Variants in EHD1 observed in about 807,000 individuals in gnomAD.
EHD1 encodes the protein EH domain containing 1.
In EHD1, 19 loss-of-function variants were observed where a neutral mutation model predicts 39.0. The observed-to-expected ratio is 0.49, with a 90% CI of 0.34 to 0.72. EHD1 has a LOEUF of 0.72. Ranked by LOEUF, EHD1 falls within the 30% of genes least tolerant of loss-of-function variation. EHD1 has a pLI of 0.01. For synonymous variants in EHD1, 323 were observed against 331.2 expected, an observed-to-expected ratio of 0.98 and a Z score of 0.27; for missense variants, 542 against 751.5, an observed-to-expected ratio of 0.72 and a Z score of 3.26.
At chr11:64,861,637 G>A (rs1265325374) in intron 2 of EHD1, among the ~76,000 whole-genome samples, 1 of 152,000 alleles carries the variant, frequency 6.6e-6, no homozygotes, top group Non-Finnish European at 1.5e-5. Flanking sequence ...AAGTTTTATT[G>A]AAACACAGCC....
rs573924183 is a variant in EHD1 at position 64,870,659 on chromosome 11, G to A, written c.502+3762C>T. 3.9e-5 allele frequency among the ~76,000 whole-genome samples: 6 copies of A among 152,366 alleles called. No homozygotes were observed. In the South Asian group the frequency reaches 6.2e-4, roughly 16 times the overall value. On this transcript the variant is annotated intron_variant, in intron 2 of 4. Coordinates refer to ENST00000320631, the MANE Select transcript of EHD1 (RefSeq NM_006795.4). ...CTAGTGACCATGGTGGGGAACGAAC[G>A]AACTGGCCGGGCTGCCCACAGAGGC... is the stretch of plus-strand genomic sequence containing the variant.
chr11:64,871,915 C>T (rs1943834673), intron 2 of EHD1, among the ~76,000 whole-genome samples: 1 of 152,218 alleles, frequency 6.6e-6, no homozygotes, highest in African/African-American at 2.4e-5. Flanking sequence ...ACGTCCACCC[C>T]TTGCTCCCAA....
At chr11:64,878,755 C>A, upstream of EHD1, 5 of 1,067,072 alleles carry the variant, frequency 4.7e-6, no homozygotes, top group Non-Finnish European at 6.1e-6. Context: ...CCGACTGGTG[C>A]CACGTCTTCC....
chr11:64,878,963 G>T, upstream of EHD1: 1 of 1,004,518 alleles, frequency 1.0e-6, no homozygotes, highest in South Asian at 4.3e-5. Context: ...CCACACCCCC[G>T]CGGGATGGCT....
intron 2 of EHD1, among the ~76,000 whole-genome samples, chr11:64,861,840 T>G (rs1943720098): frequency 6.6e-6 from 1 of 152,180 alleles, no homozygotes; most frequent in Admixed American, 6.5e-5. Flanking sequence ...TCTTAAACAC[T>G]TCTCCAAAAC....
chr11:64,858,101 T>TG (rs1348271064), intron 3 of EHD1, among the ~76,000 whole-genome samples: 1 of 150,652 alleles, frequency 6.6e-6, no homozygotes, highest in African/African-American at 2.4e-5. Context: ...CTCTAACTCC[T>TG]GGCCTTAAGG....
chr11:64,864,419 G>A (rs1257514756), intron 2 of EHD1, among the ~76,000 whole-genome samples: 2 of 152,266 alleles, frequency 1.3e-5, no homozygotes, highest in Non-Finnish European at 2.9e-5. Context: ...GAGCTCCACA[G>A]GAGAGGATGC....
chr11:64,878,710 G>A (rs1943919707), upstream of EHD1: 4 of 1,349,562 alleles, frequency 3.0e-6, no homozygotes, highest in East Asian at 3.0e-5. Context: ...CGGAATTGGG[G>A]GCGGTAGGGA....
chr11:64,855,187 T>TG (rs1407376060), intron 4 of EHD1, 135 bp downstream of exon 4: 1 of 1,335,154 alleles, frequency 7.5e-7, no homozygotes, highest in Non-Finnish European at 9.9e-7. Flanking sequence ...GGTGGGGTGC[T>TG]GGTGATTAAC....
At position 64,854,136 on chromosome 11, in the gene EHD1, C is replaced by G; in HGVS notation, c.*197G>C. On this transcript the variant is annotated 3_prime_UTR_variant, in exon 5 of 5. Transcript: ENST00000320631. ...AAAATAGCCACAGTTCTTGTGCACA[C>G]AATTCCATCCTCTCACCCCTGCCTC... is the stretch of plus-strand genomic sequence containing the variant. The G allele has an allele frequency of 1.1e-6, 1 of 914,944 alleles. No individual in the cohort carries two copies. The highest frequency in any genetic ancestry group is 1.7e-5 in the African/African-American group (1 of 59,766). The allele number at this position is 914,944 out of a possible 1,614,324, so 56.7% of individuals were successfully genotyped here.
At chr11:64,876,509 C>T (rs917175133) in intron 1 of EHD1, among the ~76,000 whole-genome samples, 6 of 152,182 alleles carry the variant, frequency 3.9e-5, no homozygotes, top group Non-Finnish European at 8.8e-5. Context: ...GCACCGGTCT[C>T]GGACAAAGCA....
intron 2 of EHD1, among the ~76,000 whole-genome samples, chr11:64,865,811 C>T (rs972190358): frequency 2.0e-5 from 3 of 152,202 alleles, no homozygotes; most frequent in African/African-American, 4.8e-5. Flanking sequence ...AATGAGACAA[C>T]ATCTCATAAC....
chr11:64,866,275 T>A (rs1215079750), intron 2 of EHD1, among the ~76,000 whole-genome samples: 2 of 152,214 alleles, frequency 1.3e-5, no homozygotes, highest in Admixed American at 6.5e-5. Flanking sequence ...AAATACCGCA[T>A]GTTCCACACC....
chr11:64,871,087 G>T (rs1266450233), intron 2 of EHD1, among the ~76,000 whole-genome samples: 2 of 152,238 alleles, frequency 1.3e-5, no homozygotes, highest in Non-Finnish European at 2.9e-5. Context: ...AAAAAGTCAG[G>T]AGGGGCCAGG....
At chr11:64,877,310 A>C (rs2136504939) in intron 1 of EHD1, among the ~76,000 whole-genome samples, 1 of 152,248 alleles carries the variant, frequency 6.6e-6, no homozygotes, top group Admixed American at 6.5e-5. Flanking sequence ...GAGGCCACTT[A>C]ACTGGAAAAG....
In EHD1 at chr11:64,868,178, C is replaced by T. The variant is rs1040565163; in HGVS notation, c.502+6243G>A. ...GAAACATAGAGGGTTTGTCTCCAATCGACTTTTGTTTCCTGTCATTCAAGC... is the reference window on the plus strand; with the variant it reads ...GAAACATAGAGGGTTTGTCTCCAATTGACTTTTGTTTCCTGTCATTCAAGC... On this transcript the variant is annotated intron_variant, in intron 2 of 4. Transcript: ENST00000320631. This position sits in a 1 kb window ranked among gnomAD's most constrained non-coding sequence, Gnocchi z 4.2. Among the ~76,000 whole-genome samples, 1 of 152,194 alleles carries T rather than the reference C, an allele frequency of 6.6e-6. No individual in the cohort carries two copies. The highest frequency in any genetic ancestry group is 1.5e-5 in the Non-Finnish European group (1 of 68,032).
chr11:64,857,707 T>C (rs900987869), intron 3 of EHD1, among the ~76,000 whole-genome samples: 8 of 152,196 alleles, frequency 5.3e-5, no homozygotes, highest in African/African-American at 1.7e-4. Context: ...CGAGGGCCAC[T>C]GTGCTCAACG....
intron 2 of EHD1, among the ~76,000 whole-genome samples, chr11:64,872,555 GAAC>G (rs1465071791): frequency 4.0e-5 from 6 of 151,324 alleles, no homozygotes; most frequent in Non-Finnish European, 1.5e-5. Flanking sequence ...AACTAGGTTG[GAAC>G]AACAATAGCA....
intron 2 of EHD1, among the ~76,000 whole-genome samples, chr11:64,861,432 G>A (rs936038390): frequency 6.6e-6 from 1 of 152,214 alleles, no homozygotes; most frequent in Non-Finnish European, 1.5e-5. Flanking sequence ...AGACTCCAGT[G>A]TTGCCACCTG....
Sources: allele counts gnomAD v4.1 joint callset (sites outside exome capture counted in the v4.1 genomes callset), GRCh38; gene constraint gnomAD v4.1.1; non-coding constraint Gnocchi (gnomAD v3.1); transcripts MANE v1.5; gene names NCBI Gene and HGNC (gene_info 2026-07-23, HGNC 2026-07-21).